The following ROBO2 variants were observed in gnomAD, a reference collection of about 807,000 sequenced individuals.
ROBO2 encodes the protein roundabout homolog 2.
In ROBO2, 53 loss-of-function variants were observed where a neutral mutation model predicts 160.8. That is an observed-to-expected ratio of 0.33 (90% CI 0.26 to 0.41). The LOEUF is 0.41. Among genes scored for constraint, ROBO2 ranks in the 10% least tolerant of loss-of-function variants. The probability of loss-of-function intolerance (pLI) is 1.00; values close to 1 mark genes in which losing one functional copy is unlikely to be tolerated. For synonymous variants in ROBO2, 664 were observed against 611.7 expected (o/e 1.09, Z -1.26); for missense variants, 1,577 against 1,722.4 (o/e 0.92, Z 1.49).
In ROBO2 at chr3:76,247,826, C is replaced by T. The variant is rs941712295; in HGVS notation, c.109+310224C>T. On this transcript the variant is annotated intron_variant, in intron 2 of 26. Coordinates refer to the ROBO2 transcript ENST00000487694. ...AAAAACAACCCCATCAAAAAGTGGG[C>T]GAAGGACATGAACAGACACTTCTCA... 1.3e-3 allele frequency among the ~76,000 whole-genome samples: 191 copies of T among 151,830 alleles called. 4 individuals carry two copies. The highest frequency in any genetic ancestry group is 9.9e-4 in the Admixed American group (15 of 15,222).
At chr3:75,942,891 A>C (rs1202774721) in intron 2 of ROBO2, among the ~76,000 whole-genome samples, 3 of 152,146 alleles carry the variant, frequency 2.0e-5, no homozygotes, top group Non-Finnish European at 4.4e-5. Context: ...AGACATCTGA[A>C]TGTTGTTTTC....
intron 1 of ROBO2, among the ~76,000 whole-genome samples, chr3:77,095,541 G>A (rs1207704887): frequency 1.3e-5 from 2 of 152,066 alleles, no homozygotes; most frequent in African/African-American, 2.4e-5. Flanking sequence ...TTTGCAGTAG[G>A]GAGAATGTAG....
intron 2 of ROBO2, among the ~76,000 whole-genome samples, chr3:76,026,667 A>C (rs1415776796): frequency 1.3e-5 from 2 of 151,936 alleles, no homozygotes; most frequent in African/African-American, 4.8e-5. Flanking sequence ...ACATTCTTTG[A>C]GCTTGTGTGG....
At chr3:77,442,745 G>A (rs922419148) in intron 2 of ROBO2, among the ~76,000 whole-genome samples, 2 of 152,146 alleles carry the variant, frequency 1.3e-5, no homozygotes, top group Non-Finnish European at 2.9e-5. Flanking sequence ...TGTTCCAAAT[G>A]AGCCGGGGCA....
At chr3:77,093,292 A>T (rs1179048593) in intron 1 of ROBO2, among the ~76,000 whole-genome samples, 1 of 152,148 alleles carries the variant, frequency 6.6e-6, no homozygotes, top group Non-Finnish European at 1.5e-5. Flanking sequence ...CACACTTTAG[A>T]TGTCCAAAAT....
chr3:77,278,993 A>G (rs946996561), intron 2 of ROBO2, among the ~76,000 whole-genome samples: 1 of 152,134 alleles, frequency 6.6e-6, no homozygotes, highest in African/African-American at 2.4e-5. Flanking sequence ...TTTTCATTTT[A>G]CTGAAGAGGA....
chr3:76,977,694 A>G (rs2059881390), intron 2 of ROBO2, among the ~76,000 whole-genome samples: 1 of 152,134 alleles, frequency 6.6e-6, no homozygotes, highest in South Asian at 2.1e-4. Context: ...TTCAGCAAAA[A>G]CATTTGACAA....
intron 2 of ROBO2, among the ~76,000 whole-genome samples, chr3:76,631,434 A>G (rs914565571): frequency 1.3e-4 from 20 of 152,170 alleles, no homozygotes; most frequent in Non-Finnish European, 1.8e-4. Flanking sequence ...GAAAAAAAAA[A>G]GTAAGTATTT....
chr3:77,196,754 C>A (rs1438671732), intron 2 of ROBO2, among the ~76,000 whole-genome samples: 1 of 151,658 alleles, frequency 6.6e-6, no homozygotes, highest in Non-Finnish European at 1.5e-5. Context: ...GAGTTGCAAA[C>A]TTGTTTGCCT....
At chr3:77,447,969 CA>C (rs1231815924) in intron 2 of ROBO2, among the ~76,000 whole-genome samples, 2 of 152,014 alleles carry the variant, frequency 1.3e-5, no homozygotes, top group Non-Finnish European at 2.9e-5. Context: ...TAAAGTGTCG[CA>C]GTAAATTTTT....
chr3:76,723,362 A>G (rs2107742310), intron 2 of ROBO2, among the ~76,000 whole-genome samples: 1 of 152,216 alleles, frequency 6.6e-6, no homozygotes, highest in East Asian at 1.9e-4. Context: ...GAGATAAAAT[A>G]TGAGTAGTGC....
At chr3:77,317,593 G>A in intron 2 of ROBO2, 1 of 1,279,664 alleles carries the variant, frequency 7.8e-7, no homozygotes, top group Non-Finnish European at 1.1e-6. Context: ...CGGCATACGT[G>A]GGTGGCACAG....
chr3:76,576,909 T>G (rs1409351371), intron 2 of ROBO2, among the ~76,000 whole-genome samples: 1 of 152,034 alleles, frequency 6.6e-6, no homozygotes, highest in East Asian at 1.9e-4. Context: ...ACTTTCACAT[T>G]TCCAGGGACA....
At chr3:77,622,286 C>T in exon 23 of ROBO2, 2 of 1,614,154 alleles carry the variant, frequency 1.2e-6, no homozygotes, top group Non-Finnish European at 1.7e-6. Context: ...GGTTATGTGT[C>T]TGGAGCCTTG....
chr3:77,048,460 G>T (rs1436364595), intron 1 of ROBO2, among the ~76,000 whole-genome samples: 1 of 152,116 alleles, frequency 6.6e-6, no homozygotes, highest in Non-Finnish European at 1.5e-5. Flanking sequence ...CACACAAATG[G>T]CAATTTGTTA....
At chr3:77,444,964 C>T (rs1358469563) in intron 2 of ROBO2, among the ~76,000 whole-genome samples, 1 of 152,168 alleles carries the variant, frequency 6.6e-6, no homozygotes, top group Admixed American at 6.5e-5. Flanking sequence ...CATTCCAGTT[C>T]CAGTACCCAA....
chr3:76,773,909 A>G (rs2062069747), intron 2 of ROBO2, among the ~76,000 whole-genome samples: 1 of 150,852 alleles, frequency 6.6e-6, no homozygotes, highest in Non-Finnish European at 1.5e-5. Context: ...ATAAATTACC[A>G]TTTGAGGAAC....
intron 2 of ROBO2, among the ~76,000 whole-genome samples, chr3:76,328,542 C>T (rs1009873737): frequency 2.0e-5 from 3 of 151,936 alleles, no homozygotes; most frequent in African/African-American, 2.4e-5. Flanking sequence ...CTGGCTAACA[C>T]GGTGAAACCC....
In ROBO2 at chr3:76,437,314, C is replaced by G. The variant is rs190356230; in HGVS notation, c.109+499712C>G. On this transcript the variant is annotated intron_variant, in intron 2 of 26. Transcript: ENST00000487694. ...AAGATATTAGGCAGTATACTGCTCT[C>G]TAGTTAGAGTTGGTCACCTCCAGCT... 1.0e-3 allele frequency among the ~76,000 whole-genome samples: 153 copies of G among 152,278 alleles called. 6 individuals carry two copies. In the East Asian group the frequency reaches 0.025, roughly 25 times the overall value.
Sources: gnomAD v4.1 joint callset for allele counts (sites outside exome capture counted in the v4.1 genomes callset) on GRCh38, gnomAD v4.1.1 for gene constraint, MANE v1.5 for transcripts, NCBI Gene and HGNC (gene_info 2026-07-23, HGNC 2026-07-21) for gene names.